CHL1: variants seen among roughly 807,000 people sequenced by gnomAD.
CHL1 encodes the protein neural cell adhesion molecule L1-like protein.
In CHL1, 96 loss-of-function variants were observed where a neutral mutation model predicts 141.9. The observed-to-expected ratio is 0.68, with a 90% CI of 0.57 to 0.80. The LOEUF (loss-of-function observed/expected upper bound fraction) is 0.80, where lower values mean the gene tolerates loss of function less well. CHL1 is among the 30% of genes least tolerant of loss of function. CHL1 has a pLI of 0.00. For missense variants in CHL1, 1,820 were observed against 1,457.2 expected (o/e 1.25, Z -4.05); for synonymous variants, 613 against 502.2 (o/e 1.22, Z -2.95).
chr3:384,240 T>G (rs1707398958), intron 19 of CHL1: 1 of 165,572 alleles, frequency 6.0e-6, no homozygotes, highest in Non-Finnish European at 1.3e-5. Context: ...CTACTAGATA[T>G]TATGCATATC....
At chr3:303,021 G>C (rs1448357358) in intron 2 of CHL1, among the ~76,000 whole-genome samples, 1 of 152,016 alleles carries the variant, frequency 6.6e-6, no homozygotes, top group Non-Finnish European at 1.5e-5. Context: ...TTGCTAGTGT[G>C]TGTCAGGTTT....
At chr3:257,770 T>C (rs946971708) in intron 2 of CHL1, among the ~76,000 whole-genome samples, 65 of 152,310 alleles carry the variant, frequency 4.3e-4, no homozygotes, top group African/African-American at 1.5e-3. Flanking sequence ...GTTGATTTCC[T>C]GTTTATAGCA....
intron 24 of CHL1, among the ~76,000 whole-genome samples, chr3:395,119 A>T (rs1708562932): frequency 6.6e-6 from 1 of 152,234 alleles, no homozygotes; most frequent in South Asian, 2.1e-4. Flanking sequence ...CTTAGTGTAT[A>T]CAAGGTCAGG....
intron 2 of CHL1, among the ~76,000 whole-genome samples, chr3:260,070 G>T (rs1194739036): frequency 6.6e-6 from 1 of 152,212 alleles, no homozygotes; most frequent in East Asian, 1.9e-4. Context: ...TTCAAGACCA[G>T]CCTGGCCAGC....
chr3:216,546 A>G (rs1424771432), intron 1 of CHL1, among the ~76,000 whole-genome samples: 1 of 152,176 alleles, frequency 6.6e-6, no homozygotes, highest in East Asian at 1.9e-4. Flanking sequence ...CCTGTCTATT[A>G]AAAAAAGTCT....
chr3:292,490 TTAA>T (rs1697780198), intron 2 of CHL1, among the ~76,000 whole-genome samples: 2 of 152,208 alleles, frequency 1.3e-5, no homozygotes, highest in Non-Finnish European at 2.9e-5. Context: ...CTGGTGGAAA[TTAA>T]TATAGCCAAT....
intron 23 of CHL1, among the ~76,000 whole-genome samples, chr3:392,730 AG>A (rs1289507463): frequency 6.6e-6 from 1 of 152,228 alleles, no homozygotes; most frequent in African/African-American, 2.4e-5. Context: ...CAAGACTTCC[AG>A]CAATCCAGGT....
At chr3:292,367 A>G (rs762025679) in intron 2 of CHL1, among the ~76,000 whole-genome samples, 2 of 152,108 alleles carry the variant, frequency 1.3e-5, no homozygotes, top group Non-Finnish European at 2.9e-5. Flanking sequence ...TTTCCCACAT[A>G]TTTCCTTTTA....
chr3:389,252 C>G lies in CHL1; in HGVS notation c.2248C>G (p.Pro750Ala). Reference sequence around the variant, plus strand: ...AAATGAGTCTTGCCTTCTGTTTTAGCCTTTGAAATCCATGGAGCAGAATGG... The same window carrying G: ...AAATGAGTCTTGCCTTCTGTTTTAGGCTTTGAAATCCATGGAGCAGAATGG... ...QPKEMIIKWE[P>A]LKSMEQNGPG... The change falls in exon 20 of 28, where the codon CCT (proline) becomes GCT (alanine). Residue 750 changes from proline (P) to alanine (A), a missense_variant and splice_region_variant. Coordinates refer to ENST00000256509, the MANE Select transcript of CHL1 (RefSeq NM_006614.4). 1 of 1,598,374 alleles carries G rather than the reference C, an allele frequency of 6.3e-7. No homozygotes were observed. The highest frequency in any genetic ancestry group is 1.1e-5 in the South Asian group (1 of 88,952).
At chr3:225,124 A>T (rs759560194) in intron 1 of CHL1, among the ~76,000 whole-genome samples, 1 of 152,156 alleles carries the variant, frequency 6.6e-6, no homozygotes, top group Non-Finnish European at 1.5e-5. Flanking sequence ...ACAGAGTGAG[A>T]CTCTATCTCA....
chr3:327,332 T>A lies in CHL1; in HGVS notation c.198-835T>A, dbSNP rs887530573. 2.6e-5 allele frequency among the ~76,000 whole-genome samples: 4 copies of A among 152,018 alleles called. No homozygotes were observed. In the East Asian group the frequency reaches 7.7e-4, roughly 29 times the overall value. On this transcript the variant is annotated intron_variant, in intron 4 of 27. Transcript: ENST00000256509. ...TAATTGGGAAGTCATTGTTTGTCTA[T>A]CAGACTGATAAAGATTTAAAGAGAC...
At chr3:202,247 T>C (rs746537417) in intron 1 of CHL1, among the ~76,000 whole-genome samples, 11 of 152,206 alleles carry the variant, frequency 7.2e-5, no homozygotes, top group Non-Finnish European at 1.5e-4. Context: ...CGGTTTTTTA[T>C]TGTAGTGATA....
chr3:320,373 G>T (rs58927390), intron 3 of CHL1, among the ~76,000 whole-genome samples: 1 of 151,934 alleles, frequency 6.6e-6, no homozygotes, highest in Admixed American at 6.6e-5. Flanking sequence ...CAAAATTTAC[G>T]GCATTATATA....
chr3:400,758 C>T (rs1373077539), intron 26 of CHL1, among the ~76,000 whole-genome samples: 2 of 151,668 alleles, frequency 1.3e-5, no homozygotes, highest in African/African-American at 2.4e-5. Context: ...GCCGAGATCA[C>T]GCCTCTGCAC....
chr3:381,666 T>C (rs1208700474), intron 16 of CHL1, among the ~76,000 whole-genome samples: 1 of 152,158 alleles, frequency 6.6e-6, no homozygotes, highest in African/African-American at 2.4e-5. Context: ...AGAGAAGCTT[T>C]GTTTAAAAAT....
intron 9 of CHL1, among the ~76,000 whole-genome samples, chr3:346,494 T>C (rs993668743): frequency 6.6e-6 from 1 of 152,214 alleles, no homozygotes; most frequent in Non-Finnish European, 1.5e-5. Context: ...TTCCCACAAA[T>C]GCCTTCACTG....
chr3:226,675 G>A (rs1038155228), intron 1 of CHL1, among the ~76,000 whole-genome samples: 6 of 151,950 alleles, frequency 3.9e-5, no homozygotes, highest in Admixed American at 3.3e-4. Flanking sequence ...TTGAACTCCT[G>A]ACCTCAGCAG....
In CHL1 at chr3:382,457, CCT is replaced by C. The variant is rs1707166032; in HGVS notation, c.1979-16_1979-15del. The C allele has an allele frequency of 1.2e-6, 2 of 1,603,246 alleles. No individual in the cohort carries two copies. Among genetic ancestry groups the C allele is most frequent in the African/African-American group, 1.3e-5 (1 of 74,334 alleles). On this transcript the variant is annotated splice_polypyrimidine_tract_variant and intron_variant, in intron 17 of 27. Transcript: ENST00000256509. ...ACTCCATACATTCTAATATTTTTTC[CCT>C]GTTTATACTACCAGAGTATATTGTT... is the stretch of plus-strand genomic sequence containing the variant.
Position 361,858 on chromosome 3 carries a change from T to C in CHL1, c.1418+48T>C, listed in dbSNP as rs549520393. Reference sequence around the variant, plus strand: ...TCTTAAGAGAATGTCAATTGTAGATTTGACCTTGTTTCTTCATCCGTCATT... The same window carrying C: ...TCTTAAGAGAATGTCAATTGTAGATCTGACCTTGTTTCTTCATCCGTCATT... On this transcript the variant is annotated intron_variant, in intron 13 of 27. Transcript: ENST00000256509. 35 of 1,251,134 alleles carry C rather than the reference T, an allele frequency of 2.8e-5. No individual in the cohort carries two copies. The African/African-American group carries it at 4.6e-4, about 16-fold the overall frequency. The allele number at this position is 1,251,134 out of a possible 1,614,324, so 77.5% of individuals were successfully genotyped here.
Sources: gnomAD v4.1 joint callset for allele counts (sites outside exome capture counted in the v4.1 genomes callset) on GRCh38, gnomAD v4.1.1 for gene constraint, MANE v1.5 for transcripts, NCBI Gene and HGNC (gene_info 2026-07-23, HGNC 2026-07-21) for gene names.